PRKD2: variants seen among roughly 807,000 people sequenced by gnomAD.
The protein encoded by PRKD2 is serine/threonine-protein kinase D2.
PRKD2 carries 22 observed loss-of-function variants against 86.0 expected under a neutral mutation model. The ratio of observed to expected loss-of-function variants is 0.26; its 90% CI spans 0.18 to 0.37. PRKD2 has a LOEUF of 0.37. Among genes scored for constraint, PRKD2 ranks in the 10% least tolerant of loss-of-function variants. PRKD2 has a pLI of 1.00. For missense variants in PRKD2, 818 were observed against 1,199.2 expected, an observed-to-expected ratio of 0.68 and a Z score of 4.70; for synonymous variants, 509 against 510.9, an observed-to-expected ratio of 1.00 and a Z score of 0.05.
Position 46,713,907 on chromosome 19 carries a change from G to A in PRKD2, c.335C>T (p.Ser112Phe). 1 of 1,613,054 alleles carries A rather than the reference G, an allele frequency of 6.2e-7. No individual in the cohort carries two copies. Among genetic ancestry groups the A allele is most frequent in the South Asian group, 1.1e-5 (1 of 91,036 alleles). Residue 112 changes from serine (S) to phenylalanine (F), a missense_variant, in exon 2 of 18, where the codon TCC becomes TTC. Transcript: ENST00000291281. ...SANLLQLVRS[S>F]GDIQEGDLVE... Reference sequence around the variant, plus strand: ...CAGGTCGCCCTCCTGGATGTCTCCGGACGAGCGCACCAGCTGCAGGAGGTT... The same window carrying A: ...CAGGTCGCCCTCCTGGATGTCTCCGAACGAGCGCACCAGCTGCAGGAGGTT...
rs2053455846 is a variant in PRKD2 at position 46,689,711 on chromosome 19, G to A, written c.1810-13C>T. ...GATGCCGCAGGCTCTGCAGGGTGGG[G>A]AGCGGGGTCAGGGCCCAGGTAACCC... On this transcript the variant is annotated splice_polypyrimidine_tract_variant and intron_variant, in intron 13 of 17. Transcript: ENST00000291281. The A allele has an allele frequency of 1.2e-6, 2 of 1,613,882 alleles. No homozygotes were observed. The highest frequency in any genetic ancestry group is 2.2e-5 in the East Asian group (1 of 44,878).
chr19:46,694,579 A>C (rs1157972043), intron 9 of PRKD2, among the ~76,000 whole-genome samples: 2 of 152,170 alleles, frequency 1.3e-5, no homozygotes, highest in Non-Finnish European at 2.9e-5. Flanking sequence ...TGGGCGACAG[A>C]GTGAGATTCC....
At chr19:46,680,946 A>ATATTT in intron 15 of PRKD2, among the ~76,000 whole-genome samples, 3 of 48,258 alleles carry the variant, frequency 6.2e-5, no homozygotes, top group South Asian at 1.1e-3. Flanking sequence ...ATATATATAT[A>ATATTT]TTTTTTTTTT....
chr19:46,680,847 G>A (rs897212965), intron 15 of PRKD2, among the ~76,000 whole-genome samples: 1 of 148,644 alleles, frequency 6.7e-6, no homozygotes, highest in Non-Finnish European at 1.5e-5. Flanking sequence ...GGGATTATAG[G>A]CATGAGCCAC....
intron 1 of PRKD2, chr19:46,714,391 C>A (rs1599845931): frequency 1.2e-6 from 1 of 849,180 alleles, no homozygotes; most frequent in East Asian, 1.2e-4. Flanking sequence ...CTGGATCTGT[C>A]TATTGTTGTC....
chr19:46,674,786 C>T (rs775080829), intron 17 of PRKD2, 51 bp from the exon 18 acceptor site: 1 of 1,548,818 alleles, frequency 6.5e-7, no homozygotes, highest in African/African-American at 1.4e-5. Context: ...GGAGCAGTGC[C>T]TGGATATCCT....
rs80021620 is a variant in PRKD2 at position 46,693,973 on chromosome 19, C to G, written c.1478G>C (p.Gly493Ala). The change falls in exon 10 of 18, where the codon GGG becomes GCG. Residue 493 changes from glycine to alanine, a missense_variant. Coordinates refer to ENST00000291281, the MANE Select transcript of PRKD2 (RefSeq NM_016457.5). The surrounding 1 kb of genome is among the most constrained non-coding windows in gnomAD (Gnocchi z 4.5). ...GGTPGGPSGQ[G>A]AEAARGWETA... ...CTCCCAGCCCCGGGCGGCCTCAGCC[C>G]CCTGCCCACTTGGCCCACCCGGAGT... 2,656 of 1,613,084 alleles carry G rather than the reference C, an allele frequency of 1.6e-3. 38 individuals are homozygous for G. In the African/African-American group the frequency reaches 0.029, roughly 18 times the overall value.
chr19:46,697,319 G>T, intron 8 of PRKD2, 85 bp from the exon 9 acceptor site: 3 of 1,027,898 alleles, frequency 2.9e-6, no homozygotes, highest in Non-Finnish European at 4.4e-6. Flanking sequence ...GGCTCCAGGT[G>T]CCTGGAGCAC....
chr19:46,701,177 C>A, intron 5 of PRKD2, 65 bp from the exon 6 acceptor site: 6 of 1,520,328 alleles, frequency 3.9e-6, no homozygotes, highest in Non-Finnish European at 5.5e-6. Context: ...AAGGCTTGAA[C>A]CTTGACCCTA....
chr19:46,694,389 G>A (rs1482795539), intron 9 of PRKD2, among the ~76,000 whole-genome samples: 2 of 152,160 alleles, frequency 1.3e-5, no homozygotes, highest in Non-Finnish European at 2.9e-5. Flanking sequence ...GAGGTCAGGA[G>A]TTCGAGACCA....
rs1202715828 is a variant in PRKD2 at position 46,713,940 on chromosome 19, G to A, written c.302C>T (p.Thr101Met). The A allele has an allele frequency of 6.2e-7, 1 of 1,613,532 alleles. No homozygotes were observed. Among genetic ancestry groups the A allele is most frequent in the African/African-American group, 1.3e-5 (1 of 74,914 alleles). ...CACCAGCTGCAGGAGGTTGGCCGAC[G>A]TGGGGTCATGTTTGAAAAGCAGGAT... ...DKILLFKHDPTSANLLQLVRS... is the reference protein window; with the variant it reads ...DKILLFKHDPMSANLLQLVRS... The change falls in exon 2 of 18, where the codon ACG becomes ATG. Residue 101 changes from threonine to methionine, a missense_variant. This residue lies in a region of PRKD2 where 403 missense variants were observed against 518.6 expected (regional missense o/e 0.78). Transcript: ENST00000291281.
rs141371629 is a variant in PRKD2, at chr19:46,682,636, C to A, written c.1972-888G>T. ...CTGTGAAGATCCCAAGATCTTCTAGCATGTGGTAAACTCCTGAATGCTACT... is the reference window on the plus strand; with the variant it reads ...CTGTGAAGATCCCAAGATCTTCTAGAATGTGGTAAACTCCTGAATGCTACT... On this transcript the variant is annotated intron_variant, in intron 14 of 17. Coordinates refer to ENST00000291281, the MANE Select transcript of PRKD2 (RefSeq NM_016457.5). Among the ~76,000 whole-genome samples the A allele has an allele frequency of 2.5e-3, 372 of 151,530 alleles. 7 individuals are homozygous for A. The highest frequency in any genetic ancestry group is 8.3e-3 in the African/African-American group (343 of 41,296).
chr19:46,674,600 C>T lies in PRKD2; in HGVS notation c.2560G>A (p.Asp854Asn). The change falls in exon 18 of 18, where the codon GAC becomes AAC. Residue 854 changes from aspartate to asparagine, a missense_variant. By Grantham distance (23) the Asp-to-Asn change is conservative (BLOSUM62 1). This residue lies in a region of PRKD2 where 132 missense variants were observed against 146.2 expected (regional missense o/e 0.90). Transcript: ENST00000291281. ...HPLPGSGLPT[D>N]RDLGGACPPQ... ...GGACAGGCCCCACCGAGATCCCTGTCCGTGGGCAGCCCAGACCCAGGCAGC... is the reference window on the plus strand; with the variant it reads ...GGACAGGCCCCACCGAGATCCCTGTTCGTGGGCAGCCCAGACCCAGGCAGC... 1.2e-6 allele frequency: 2 copies of T among 1,610,552 alleles called. No individual in the cohort carries two copies. Among genetic ancestry groups the T allele is most frequent in the Non-Finnish European group, 1.7e-6 (2 of 1,179,998 alleles).
chr19:46,682,699 CTAT>C (rs1267718590), intron 14 of PRKD2, among the ~76,000 whole-genome samples: 2 of 121,406 alleles, frequency 1.6e-5, no homozygotes, highest in African/African-American at 3.1e-5. Flanking sequence ...CTATGTGATT[CTAT>C]TTTTTTTTTT....
chr19:46,700,965 A>G lies in PRKD2; in HGVS notation c.968-13T>C. 1 of 1,614,160 alleles carries G rather than the reference A, an allele frequency of 6.2e-7. No individual in the cohort carries two copies. Among genetic ancestry groups the G allele is most frequent in the Non-Finnish European group, 8.5e-7 (1 of 1,180,004 alleles). Reference sequence around the variant, plus strand: ...TCCATCGGCACATCTGTGGGGACGGAGGCATCAGAGGGGTCTCCACCCAGT... The same window carrying G: ...TCCATCGGCACATCTGTGGGGACGGGGGCATCAGAGGGGTCTCCACCCAGT... On this transcript the variant is annotated splice_polypyrimidine_tract_variant and intron_variant, in intron 6 of 17. Coordinates refer to ENST00000291281, the MANE Select transcript of PRKD2 (RefSeq NM_016457.5).
intron 3 of PRKD2, among the ~76,000 whole-genome samples, chr19:46,707,069 G>A (rs1254044838): frequency 1.3e-5 from 2 of 151,752 alleles, no homozygotes; most frequent in African/African-American, 4.8e-5. Context: ...AATTTTTCTA[G>A]TTTTAGTAGA....
At chr19:46,686,651 C>CA (rs534031439) in intron 14 of PRKD2, among the ~76,000 whole-genome samples, 5,056 of 142,788 alleles carry the variant, frequency 0.035, 252 homozygotes, top group African/African-American at 0.11. Context: ...GACCCTGTCT[C>CA]AAAAAAAAAA....
At position 46,713,718 on chromosome 19, in the gene PRKD2, A is replaced by T. The variant is rs2053841093; in HGVS notation, c.379+145T>A. Reference sequence around the variant, plus strand: ...GGGCTCAAGCGATCCCCCCAGCTCCAGCTCAGCCTCCCAAAGTGCTGGGAT... The same window carrying T: ...GGGCTCAAGCGATCCCCCCAGCTCCTGCTCAGCCTCCCAAAGTGCTGGGAT... On this transcript the variant is annotated intron_variant, in intron 2 of 17. Transcript: ENST00000291281. 2.7e-5 allele frequency: 20 copies of T among 741,944 alleles called. No individual in the cohort carries two copies. The South Asian group carries it at 4.4e-4, about 16-fold the overall frequency. The allele number at this position is 741,944 out of a possible 1,614,324, so 46.0% of individuals were successfully genotyped here.
rs768896657 is a variant in PRKD2 at position 46,697,746 on chromosome 19, T to C, written c.1226A>G (p.Asn409Ser). 5.0e-6 allele frequency: 8 copies of C among 1,613,792 alleles called. No individual in the cohort carries two copies. The East Asian group carries it at 1.3e-4, about 27-fold the overall frequency. The change falls in exon 8 of 18, where the codon AAC (asparagine) becomes AGC (serine). Residue 409 changes from asparagine to serine, a missense_variant. Asn to Ser is a conservative substitution (Grantham distance 46). Transcript: ENST00000291281. ...LREGWVVHYSNKDTLRKRHYW... is the reference protein window; with the variant it reads ...LREGWVVHYSSKDTLRKRHYW... ...CCGGCCACTCACCAGCGTGTCCTTG[T>C]TGCTGTAATGAACCACCCAACCCTC...
Sources: gnomAD v4.1 joint callset for allele counts (sites outside exome capture counted in the v4.1 genomes callset) on GRCh38, gnomAD v4.1.1 for gene constraint, gnomAD v4.1.1 regional missense constraint, Gnocchi (gnomAD v3.1) non-coding constraint, MANE v1.5 for transcripts, NCBI Gene and HGNC (gene_info 2026-07-23, HGNC 2026-07-21) for gene names.